SMIM31: variants seen among roughly 807,000 people sequenced by gnomAD.
SMIM31 encodes human epithelial cell program regulator.
chr4:164,788,478 C>CTTTTTCTTTTTTT (rs1733056135), intron 2 of SMIM31, among the ~76,000 whole-genome samples: 2 of 58,162 alleles, frequency 3.4e-5, no homozygotes, highest in African/African-American at 1.4e-4. Flanking sequence ...TCTAATTTTT[C>CTTTTTCTTTTTTT]TTTTTTTTTT....
In SMIM31 at chr4:164,788,034, C is replaced by T. The variant is rs1483476125; in HGVS notation, c.113-13057C>T. On this transcript the variant is annotated intron_variant, in intron 2 of 2. Coordinates refer to ENST00000507311, the MANE Select transcript of SMIM31 (RefSeq NM_001352885.1). Reference sequence around the variant, plus strand: ...ACTTTTCAAAGATTCTCCCCACCATCCTCAGTTTTACACAATATATATTAG... The same window carrying T: ...ACTTTTCAAAGATTCTCCCCACCATTCTCAGTTTTACACAATATATATTAG... Among the ~76,000 whole-genome samples, 7 of 152,170 alleles carry T rather than the reference C, an allele frequency of 4.6e-5. No individual in the cohort carries two copies. The East Asian group carries it at 5.8e-4, about 13-fold the overall frequency.
chr4:164,802,186 T>A lies in SMIM31; in HGVS notation c.*992T>A, dbSNP rs1733294677. ...AGGCGGAGGTTGCAATGAGCTGAGA[T>A]CATGCCACTGCACTCCAGCCTGGGC... On this transcript the variant is annotated 3_prime_UTR_variant, in exon 3 of 3. Transcript: ENST00000507311. The A allele has an allele frequency of 1.3e-5, 2 of 151,930 alleles. No individual in the cohort carries two copies. The highest frequency in any genetic ancestry group is 1.5e-5 in the Non-Finnish European group (1 of 68,120). The allele number at this position is 151,930 out of a possible 1,614,324, so 9.4% of individuals were successfully genotyped here. A position where few individuals can be genotyped will look rare whatever the true frequency, so the allele number is the denominator to read the frequency against.
At chr4:164,763,357 CAG>C (rs1161627404) in intron 1 of SMIM31, among the ~76,000 whole-genome samples, 1 of 151,966 alleles carries the variant, frequency 6.6e-6, no homozygotes, top group Admixed American at 6.6e-5. Context: ...TTTAGAAACT[CAG>C]AAATTGTTAT....
chr4:164,772,634 A>G (rs373916216), intron 2 of SMIM31, among the ~76,000 whole-genome samples: 1 of 146,294 alleles, frequency 6.8e-6, no homozygotes, highest in East Asian at 2.1e-4. Context: ...GCTGGAGTGC[A>G]GTGGCGCGAT....
At position 164,801,618 on chromosome 4, in the gene SMIM31, A is replaced by G. The variant is rs914381144; in HGVS notation, c.*424A>G. The G allele has an allele frequency of 3.9e-5, 6 of 152,914 alleles. No individual in the cohort carries two copies. The South Asian group carries it at 1.0e-3, about 26-fold the overall frequency. The allele number at this position is 152,914 out of a possible 1,614,324, so 9.5% of individuals were successfully genotyped here. A position where few individuals can be genotyped will look rare whatever the true frequency, so the allele number is the denominator to read the frequency against. Reference sequence around the variant, plus strand: ...TCCTAACAAATGATAATGAAAAGCTATAAGTAACTGTGTTATTGCTTCCGT... The same window carrying G: ...TCCTAACAAATGATAATGAAAAGCTGTAAGTAACTGTGTTATTGCTTCCGT... On this transcript the variant is annotated 3_prime_UTR_variant, in exon 3 of 3. Coordinates refer to ENST00000507311, the MANE Select transcript of SMIM31 (RefSeq NM_001352885.1).
chr4:164,766,445 G>T (rs191294437), intron 1 of SMIM31, among the ~76,000 whole-genome samples: 233 of 152,232 alleles, frequency 1.5e-3, no homozygotes, highest in Middle Eastern at 0.01. Context: ...TATAGGTACG[G>T]AGATAAACAA....
chr4:164,765,452 A>G (rs1437727639), intron 1 of SMIM31, among the ~76,000 whole-genome samples: 2 of 152,194 alleles, frequency 1.3e-5, no homozygotes, highest in South Asian at 2.1e-4. Context: ...TGGACGGGAT[A>G]ATTCAAGGCT....
intron 2 of SMIM31, among the ~76,000 whole-genome samples, chr4:164,800,269 G>A (rs568428869): frequency 6.6e-6 from 1 of 151,846 alleles, no homozygotes; most frequent in South Asian, 2.1e-4. Context: ...GAGTACAGTG[G>A]TGCTATCTCA....
At chr4:164,782,912 A>G (rs1732973783) in intron 2 of SMIM31, among the ~76,000 whole-genome samples, 1 of 152,250 alleles carries the variant, frequency 6.6e-6, no homozygotes, top group South Asian at 2.1e-4. Context: ...TCTTAAATTA[A>G]TTTCTAAATA....
At chr4:164,766,945 T>C (rs1272015901) in intron 1 of SMIM31, among the ~76,000 whole-genome samples, 4 of 152,006 alleles carry the variant, frequency 2.6e-5, no homozygotes, top group Admixed American at 2.6e-4. Context: ...AAGTAGACAA[T>C]GAGAATGTAG....
At chr4:164,768,008 T>C (rs536692317) in intron 1 of SMIM31, among the ~76,000 whole-genome samples, 2 of 151,882 alleles carry the variant, frequency 1.3e-5, no homozygotes, top group Non-Finnish European at 2.9e-5. Context: ...GCAAGGTGGG[T>C]GATTGCTTGA....
At chr4:164,757,293 C>T (rs1410719019) in intron 1 of SMIM31, among the ~76,000 whole-genome samples, 6 of 152,072 alleles carry the variant, frequency 3.9e-5, no homozygotes, top group Non-Finnish European at 5.9e-5. Flanking sequence ...TTGGAGTTTT[C>T]ATAAGTATGT....
chr4:164,755,083 T>G (rs879164658), intron 1 of SMIM31, among the ~76,000 whole-genome samples: 1 of 101,170 alleles, frequency 9.9e-6, no homozygotes, highest in African/African-American at 3.8e-5. Context: ...TTGAAATTAT[T>G]TCTTGCTTTC....
Position 164,768,244 on chromosome 4 carries a change from A to G in SMIM31, c.-25-2175A>G, listed in dbSNP as rs751306628. Among the ~76,000 whole-genome samples the G allele has an allele frequency of 1.3e-4, 6 of 45,208 alleles. No homozygotes were observed. In the South Asian group the frequency reaches 3.6e-3, roughly 27 times the overall value. 29.7% of individuals were successfully genotyped at this position (45,208 alleles called of 152,430 possible). ...GAGCAAGACTTTGTCACAAAAAAAA[A>G]AAAAGAAAAGAAAAGAAAAGAGAAA... On this transcript the variant is annotated intron_variant, in intron 1 of 2. Coordinates refer to ENST00000507311, the MANE Select transcript of SMIM31 (RefSeq NM_001352885.1).
chr4:164,769,837 G>T (rs1208900109), intron 1 of SMIM31, among the ~76,000 whole-genome samples: 3 of 152,044 alleles, frequency 2.0e-5, no homozygotes, highest in Non-Finnish European at 4.4e-5. Flanking sequence ...TGATTGGCTG[G>T]TTGGTTGGTT....
intron 2 of SMIM31, among the ~76,000 whole-genome samples, chr4:164,787,870 C>A (rs1412291101): frequency 1.3e-5 from 2 of 152,074 alleles, no homozygotes; most frequent in African/African-American, 4.8e-5. Flanking sequence ...GATTTAGACA[C>A]GTATTTGTTC....
chr4:164,780,853 C>T (rs1333229005), intron 2 of SMIM31, among the ~76,000 whole-genome samples: 1 of 151,806 alleles, frequency 6.6e-6, no homozygotes, highest in Non-Finnish European at 1.5e-5. Context: ...GCTGTGTCAC[C>T]CAGGCTAGGT....
intron 2 of SMIM31, among the ~76,000 whole-genome samples, chr4:164,779,342 A>G (rs966561744): frequency 6.6e-6 from 1 of 152,188 alleles, no homozygotes; most frequent in South Asian, 2.1e-4. Context: ...CAAGGTTTCC[A>G]GTTAAATTGT....
chr4:164,766,295 A>G (rs1421149471), intron 1 of SMIM31, among the ~76,000 whole-genome samples: 2 of 152,198 alleles, frequency 1.3e-5, no homozygotes, highest in Non-Finnish European at 1.5e-5. Flanking sequence ...TCTTCAATCC[A>G]GAGTTTCCAT....
Sources: allele counts gnomAD v4.1 joint callset (sites outside exome capture counted in the v4.1 genomes callset), GRCh38; gene constraint gnomAD v4.1.1; transcripts MANE v1.5; gene names NCBI Gene and HGNC (gene_info 2026-07-23, HGNC 2026-07-21).